NAALADL2: variants seen among roughly 807,000 people sequenced by gnomAD.
NAALADL2 encodes N-acetylated alpha-linked acidic dipeptidase like 2.
A neutral mutation model predicts 87.2 loss-of-function variants in NAALADL2; 76 were observed. The observed-to-expected ratio is 0.87, with a 90% CI of 0.72 to 1.05. The LOEUF is 1.05. NAALADL2 is among the 50% of genes least tolerant of loss of function. The probability of loss-of-function intolerance (pLI) is 0.00; values close to 1 mark genes in which losing one functional copy is unlikely to be tolerated. For synonymous variants in NAALADL2, 354 were observed against 331.0 expected (o/e 1.07, Z -0.75); for missense variants, 1,089 against 945.8 (o/e 1.15, Z -1.99).
At chr3:175,208,780 G>T (rs1168636382) in intron 2 of NAALADL2, among the ~76,000 whole-genome samples, 1 of 152,176 alleles carries the variant, frequency 6.6e-6, no homozygotes, top group East Asian at 1.9e-4. Flanking sequence ...AGTAAGGCCA[G>T]AACAAGTTTA....
At chr3:175,109,790 T>C (rs1723863624) in intron 2 of NAALADL2, among the ~76,000 whole-genome samples, 1 of 151,816 alleles carries the variant, frequency 6.6e-6, no homozygotes, top group African/African-American at 2.4e-5. Flanking sequence ...TCTTTACTAA[T>C]TTATTTGGTT....
At chr3:175,525,209 C>G (rs1265063823) in intron 9 of NAALADL2, among the ~76,000 whole-genome samples, 1 of 152,060 alleles carries the variant, frequency 6.6e-6, no homozygotes, top group African/African-American at 2.4e-5. Flanking sequence ...TTTTTTAACA[C>G]TTCTGTGTAT....
intron 2 of NAALADL2, among the ~76,000 whole-genome samples, chr3:174,697,970 A>T (rs569821160): frequency 1.3e-5 from 2 of 152,244 alleles, no homozygotes; most frequent in South Asian, 4.1e-4. Context: ...ACATACCTGT[A>T]GTCCCTGCTA....
intron 2 of NAALADL2, among the ~76,000 whole-genome samples, chr3:174,699,308 C>T (rs543428418): frequency 6.6e-5 from 10 of 152,076 alleles, no homozygotes; most frequent in Non-Finnish European, 1.2e-4. Flanking sequence ...CCAGCCTGGC[C>T]AATATGGTGA....
intron 2 of NAALADL2, among the ~76,000 whole-genome samples, chr3:175,227,694 T>C (rs558450954): frequency 6.6e-6 from 1 of 151,958 alleles, no homozygotes; most frequent in South Asian, 2.1e-4. Context: ...TAAAATCTAT[T>C]TATTTTAACA....
rs1766498557 is a variant in NAALADL2 at position 175,371,515 on chromosome 3, GC to G, written c.1090+47191del. 2.0e-5 allele frequency among the ~76,000 whole-genome samples: 3 copies of G among 152,234 alleles called. 1 individual carries two copies. In the South Asian group the frequency reaches 6.2e-4, roughly 32 times the overall value. ...ATATTATTTAGAAACCATTCTGTGT[GC>G]TACAAAAGTCCTTTGAGAATGATAT... On this transcript the variant is annotated intron_variant, in intron 5 of 13. Transcript: ENST00000454872.
chr3:174,849,752 A>T (rs541034411), intron 3 of NAALADL2, among the ~76,000 whole-genome samples: 1,682 of 151,300 alleles, frequency 0.011, 35 homozygotes, highest in African/African-American at 0.039. Flanking sequence ...AAAAAAAAAA[A>T]AAAAAAAGAT....
intron 2 of NAALADL2, among the ~76,000 whole-genome samples, chr3:175,201,223 C>T (rs773782897): frequency 2.6e-5 from 4 of 152,024 alleles, no homozygotes; most frequent in Non-Finnish European, 5.9e-5. Flanking sequence ...AGATATGCTC[C>T]GTAACATTTG....
intron 11 of NAALADL2, among the ~76,000 whole-genome samples, chr3:175,648,286 G>A (rs1177040317): frequency 1.3e-5 from 2 of 151,998 alleles, no homozygotes; most frequent in Non-Finnish European, 2.9e-5. Flanking sequence ...TGGGCATAAA[G>A]TGCAGACATA....
chr3:175,481,834 A>G (rs1582072370), intron 9 of NAALADL2, among the ~76,000 whole-genome samples: 1 of 152,010 alleles, frequency 6.6e-6, no homozygotes, highest in East Asian at 1.9e-4. Context: ...AAAAGAATCT[A>G]GACACAGAAC....
intron 1 of NAALADL2, among the ~76,000 whole-genome samples, chr3:174,896,675 T>G (rs1731576469): frequency 6.6e-6 from 1 of 152,132 alleles, no homozygotes; most frequent in African/African-American, 2.4e-5. Context: ...ATCCTAAAAT[T>G]TATATGGTTT....
chr3:175,084,424 C>T (rs150581617), intron 1 of NAALADL2, among the ~76,000 whole-genome samples: 9 of 152,274 alleles, frequency 5.9e-5, no homozygotes, highest in African/African-American at 1.9e-4. Flanking sequence ...TGCTTCTCCT[C>T]GTGGTCTCAG....
chr3:175,234,995 A>G (rs765735444), intron 3 of NAALADL2: 2 of 152,186 alleles, frequency 1.3e-5, no homozygotes, highest in African/African-American at 4.8e-5. Flanking sequence ...TAATTGGTCA[A>G]CAGTTTCCTT....
At chr3:175,302,036 G>C (rs187210010) in intron 4 of NAALADL2, among the ~76,000 whole-genome samples, 32 of 147,108 alleles carry the variant, frequency 2.2e-4, no homozygotes, top group Non-Finnish European at 3.9e-4. Flanking sequence ...TGATCATGGT[G>C]ATGCAGAAAG....
intron 2 of NAALADL2, among the ~76,000 whole-genome samples, chr3:174,638,585 G>T (rs1722877459): frequency 6.6e-6 from 1 of 151,654 alleles, no homozygotes; most frequent in African/African-American, 2.4e-5. Flanking sequence ...AGGAGGGTCA[G>T]GTTTTTTTTT....
At chr3:175,237,111 G>A (rs180892772) in intron 3 of NAALADL2, among the ~76,000 whole-genome samples, 47 of 151,980 alleles carry the variant, frequency 3.1e-4, no homozygotes, top group African/African-American at 1.1e-3. Flanking sequence ...CTAATATGTA[G>A]AGAGGTTTAA....
At chr3:174,849,283 T>A (rs1048375929) in intron 3 of NAALADL2, among the ~76,000 whole-genome samples, 6 of 152,208 alleles carry the variant, frequency 3.9e-5, no homozygotes, top group Non-Finnish European at 5.9e-5. Flanking sequence ...CTTTACAAAC[T>A]TTTTATTATT....
At chr3:174,732,354 C>G (rs1023750182) in intron 2 of NAALADL2, among the ~76,000 whole-genome samples, 1 of 151,716 alleles carries the variant, frequency 6.6e-6, no homozygotes, top group African/African-American at 2.4e-5. Flanking sequence ...GAGAGCAGAA[C>G]AAATATCTCA....
intron 5 of NAALADL2, among the ~76,000 whole-genome samples, chr3:175,416,076 C>A (rs1322521663): frequency 6.6e-6 from 1 of 151,448 alleles, no homozygotes; most frequent in Admixed American, 6.6e-5. Context: ...AAATCATAAT[C>A]ATGCTGCTGC....
Sources: allele counts gnomAD v4.1 joint callset (sites outside exome capture counted in the v4.1 genomes callset), GRCh38; gene constraint gnomAD v4.1.1; transcripts MANE v1.5; gene names NCBI Gene and HGNC (gene_info 2026-07-23, HGNC 2026-07-21).